The following THRB variants were observed in gnomAD, a reference collection of about 807,000 sequenced individuals.
THRB encodes nuclear receptor subfamily 1 group A member 2.
THRB carries 12 observed loss-of-function variants against 47.8 expected under a neutral mutation model. The observed-to-expected ratio is 0.25, with a 90% CI of 0.16 to 0.41. The LOEUF (loss-of-function observed/expected upper bound fraction) is 0.41, where lower values mean the gene tolerates loss of function less well. Ranked by LOEUF, THRB falls within the 10% of genes least tolerant of loss-of-function variation. The pLI is 1.00. For synonymous variants in THRB, 218 were observed against 212.2 expected, an observed-to-expected ratio of 1.03 and a Z score of -0.24; for missense variants, 348 against 589.2, an observed-to-expected ratio of 0.59 and a Z score of 4.24.
intron 1 of THRB, among the ~76,000 whole-genome samples, chr3:24,345,384 G>A (rs974223219): frequency 2.0e-5 from 3 of 152,086 alleles, no homozygotes; most frequent in East Asian, 1.9e-4. Context: ...TGGGGATTGA[G>A]GCTGTCAGTC....
At chr3:24,370,730 T>C (rs2064843608) in intron 1 of THRB, among the ~76,000 whole-genome samples, 1 of 152,056 alleles carries the variant, frequency 6.6e-6, no homozygotes, top group South Asian at 2.1e-4. Flanking sequence ...TACTCACTTA[T>C]CAATGCTGGC....
chr3:24,199,110 A>T lies in THRB; in HGVS notation c.23-8776T>A, dbSNP rs1256412023. Among the ~76,000 whole-genome samples, 4 of 152,340 alleles carry T rather than the reference A, an allele frequency of 2.6e-5. No homozygotes were observed. In the East Asian group the frequency reaches 7.7e-4, roughly 29 times the overall value. ...CCTACTACATGCCAGATAGCATCCG[A>T]AAGTACTTTTCATACATTATTTTAT... On this transcript the variant is annotated intron_variant, in intron 4 of 10. Coordinates refer to ENST00000646209, the MANE Select transcript of THRB (RefSeq NM_001354712.2).
In THRB at chr3:24,464,243, C is replaced by CA. The variant is rs765631130; in HGVS notation, c.-261+30408dup. On this transcript the variant is annotated intron_variant, in intron 1 of 10. Coordinates refer to ENST00000646209, the MANE Select transcript of THRB (RefSeq NM_001354712.2). ...CCTGGGCGACAGTGAGACTCCGTCT[C>CA]AAAAAAAAAAAGAAAAAAAAAAAAG... is the stretch of plus-strand genomic sequence containing the variant. Among the ~76,000 whole-genome samples the CA allele has an allele frequency of 6.8e-3, 503 of 74,264 alleles. 2 individuals are homozygous for CA. Among genetic ancestry groups the CA allele is most frequent in the African/African-American group, 0.017 (380 of 22,048 alleles). The allele number at this position is 74,264 out of a possible 152,430, so 48.7% of individuals were successfully genotyped here.
intron 5 of THRB, among the ~76,000 whole-genome samples, chr3:24,164,486 C>T (rs1426796616): frequency 6.6e-6 from 1 of 152,146 alleles, no homozygotes; most frequent in Non-Finnish European, 1.5e-5. Flanking sequence ...TTACTGTTTA[C>T]ATGGATAAAT....
intron 3 of THRB, among the ~76,000 whole-genome samples, chr3:24,283,614 T>C (rs1229395312): frequency 1.0e-3 from 147 of 146,716 alleles, no homozygotes; most frequent in Middle Eastern, 6.8e-3. Context: ...AAATAAAGGG[T>C]ATTCAATTAG....
chr3:24,393,517 G>T (rs6796381), intron 1 of THRB, among the ~76,000 whole-genome samples: 141,099 of 152,178 alleles, frequency 0.93, 65,678 homozygotes, highest in Non-Finnish European at 0.96. Context: ...GAGAGGTCAG[G>T]GCACAGACCA....
intron 1 of THRB, among the ~76,000 whole-genome samples, chr3:24,480,153 C>T (rs1467639181): frequency 6.6e-6 from 1 of 152,188 alleles, no homozygotes; most frequent in Admixed American, 6.5e-5. Context: ...TTTACCTCCC[C>T]CCTAAAAATC....
chr3:24,480,584 C>T (rs1696211070), intron 1 of THRB, among the ~76,000 whole-genome samples: 1 of 152,070 alleles, frequency 6.6e-6, no homozygotes, highest in Non-Finnish European at 1.5e-5. Flanking sequence ...ACACTTGGCT[C>T]CAAGAAGGGA....
intron 4 of THRB, among the ~76,000 whole-genome samples, chr3:24,213,319 G>C (rs77907910): frequency 3.3e-5 from 5 of 152,060 alleles, no homozygotes; most frequent in Admixed American, 6.5e-5. Flanking sequence ...GAAGGGATGG[G>C]GCTTGACAGG....
intron 2 of THRB, among the ~76,000 whole-genome samples, chr3:24,324,823 TG>T (rs1339761753): frequency 1.3e-5 from 2 of 152,228 alleles, no homozygotes; most frequent in African/African-American, 4.8e-5. Context: ...TTCTTATTCC[TG>T]ATTTCCAGAA....
At chr3:24,175,585 T>C (rs984863646) in intron 5 of THRB, among the ~76,000 whole-genome samples, 2 of 152,234 alleles carry the variant, frequency 1.3e-5, no homozygotes, top group Admixed American at 6.5e-5. Flanking sequence ...AGACCACTGT[T>C]ATCATCATTG....
At chr3:24,436,709 C>T (rs1476706670) in intron 1 of THRB, among the ~76,000 whole-genome samples, 1 of 152,100 alleles carries the variant, frequency 6.6e-6, no homozygotes, top group Non-Finnish European at 1.5e-5. Context: ...CACGTTATTC[C>T]CCGGTGGGGT....
intron 4 of THRB, among the ~76,000 whole-genome samples, chr3:24,202,228 A>C (rs1489039012): frequency 6.6e-6 from 1 of 152,182 alleles, no homozygotes; most frequent in Non-Finnish European, 1.5e-5. Flanking sequence ...GAGATGGAGG[A>C]AGAGCTGGGA....
intron 3 of THRB, among the ~76,000 whole-genome samples, chr3:24,236,508 C>T (rs570335923): frequency 4.5e-4 from 69 of 152,216 alleles, no homozygotes; most frequent in African/African-American, 1.6e-3. Flanking sequence ...CCTCAATCAT[C>T]CCAAAGGCAT....
chr3:24,235,175 C>CAGTATTCA (rs2048731014), intron 3 of THRB, among the ~76,000 whole-genome samples: 1 of 152,164 alleles, frequency 6.6e-6, no homozygotes. Context: ...TTGCCTGTCT[C>CAGTATTCA]AGTATTCAAG....
At chr3:24,229,806 T>C (rs1194825901) in intron 3 of THRB, among the ~76,000 whole-genome samples, 1 of 152,190 alleles carries the variant, frequency 6.6e-6, no homozygotes, top group African/African-American at 2.4e-5. Flanking sequence ...GTGTGTTCTG[T>C]GGCCAGTGGT....
At chr3:24,316,213 G>C (rs114811520) in intron 2 of THRB, among the ~76,000 whole-genome samples, 1 of 152,134 alleles carries the variant, frequency 6.6e-6, no homozygotes, top group African/African-American at 2.4e-5. Flanking sequence ...CTACTACAGA[G>C]TCATGAAAAT....
intron 1 of THRB, among the ~76,000 whole-genome samples, chr3:24,353,126 C>A (rs570313523): frequency 6.7e-6 from 1 of 148,428 alleles, no homozygotes; most frequent in South Asian, 2.1e-4. Flanking sequence ...TGGATTCTTA[C>A]CCCCCAAGTA....
chr3:24,357,359 A>AAAC (rs2063746211), intron 1 of THRB, among the ~76,000 whole-genome samples: 3 of 147,324 alleles, frequency 2.0e-5, no homozygotes, highest in Non-Finnish European at 4.5e-5. Flanking sequence ...AAAAAAAAAA[A>AAAC]AAAAAAAAAA....
Sources: gnomAD v4.1 joint callset for allele counts (sites outside exome capture counted in the v4.1 genomes callset) on GRCh38, gnomAD v4.1.1 for gene constraint, MANE v1.5 for transcripts, NCBI Gene and HGNC (gene_info 2026-07-23, HGNC 2026-07-21) for gene names.